COQ8B: variants seen among roughly 807,000 people sequenced by gnomAD.
COQ8B encodes atypical kinase COQ8B, mitochondrial.
A neutral mutation model predicts 62.0 loss-of-function variants in COQ8B; 44 were observed. The observed-to-expected ratio is 0.71, with a 90% CI of 0.56 to 0.91. COQ8B has a LOEUF of 0.91. Ranked by LOEUF, COQ8B falls within the 40% of genes least tolerant of loss-of-function variation. The probability of loss-of-function intolerance (pLI) is 0.00; values close to 1 mark genes in which losing one functional copy is unlikely to be tolerated. For synonymous variants in COQ8B, 252 were observed against 289.9 expected (o/e 0.87, Z 1.33); for missense variants, 649 against 731.6 (o/e 0.89, Z 1.30).
intron 12 of COQ8B, 83 bp downstream of exon 12, chr19:40,699,984 G>A: frequency 4.6e-6 from 6 of 1,316,982 alleles, no homozygotes; most frequent in Non-Finnish European, 4.4e-6. Context: ...GTAATCAACT[G>A]CTATTTTGTT....
At chr19:40,716,538 C>G (rs909713673) in intron 1 of COQ8B, 49 bp downstream of exon 1, 5 of 152,236 alleles carry the variant, frequency 3.3e-5, no homozygotes, top group African/African-American at 1.2e-4. Context: ...GAAATCGTGT[C>G]AGGGTCTGAT....
At chr19:40,692,839 C>T (rs1410893852) in intron 14 of COQ8B, 112 bp downstream of exon 14, 1 of 877,970 alleles carries the variant, frequency 1.1e-6, no homozygotes, top group Non-Finnish European at 1.8e-6. Context: ...CCCCCAGTCC[C>T]CGGGTATCGA....
chr19:40,693,034 CCA>C lies in COQ8B; in HGVS notation c.1211_1212del (p.Val404GlyfsTer6). The C allele has an allele frequency of 6.2e-7, 1 of 1,613,714 alleles. No individual in the cohort carries two copies. The highest frequency in any genetic ancestry group is 8.5e-7 in the Non-Finnish European group (1 of 1,179,766). On this transcript the variant is annotated frameshift_variant and splice_region_variant, in exon 14 of 15. Coordinates refer to ENST00000324464, the MANE Select transcript of COQ8B (RefSeq NM_024876.4). LOFTEE classifies it high-confidence loss of function. The stretch of plus-strand genomic sequence containing the variant: ...CTGTCTCCATCAGCTGCAGCCTTCA[CCA>C]CCTGGGGAGACGGGTGGGAGTTAGA... ...GTEFTDHYIE[V>X]VKAAADGDRD...
At chr19:40,715,337 T>C (rs2082177852) in intron 1 of COQ8B, 1 of 985,678 alleles carries the variant, frequency 1.0e-6, no homozygotes, top group Non-Finnish European at 1.2e-6. Context: ...CAAAGTGCCT[T>C]GTACGCGACA....
intron 5 of COQ8B, among the ~76,000 whole-genome samples, chr19:40,706,987 C>A (rs1239357320): frequency 6.6e-6 from 1 of 152,132 alleles, no homozygotes; most frequent in Non-Finnish European, 1.5e-5. Context: ...AAAAAAGAAA[C>A]CTGGCTGGGA....
chr19:40,700,614 C>G, intron 10 of COQ8B, 163 bp from the exon 11 acceptor site: 1 of 814,072 alleles, frequency 1.2e-6, no homozygotes, highest in Admixed American at 2.9e-5. Context: ...ATGACCAACA[C>G]CTGGCTGGAC....
rs1233717746 is a variant in COQ8B at position 40,696,146 on chromosome 19, AC to A, written c.1144-93del. 2.1e-6 allele frequency: 3 copies of A among 1,401,950 alleles called. No homozygotes were observed. The Admixed American group carries it at 5.1e-5, about 24-fold the overall frequency. 86.8% of individuals were successfully genotyped at this position (1,401,950 alleles called of 1,614,324 possible). A position where few individuals can be genotyped will look rare whatever the true frequency, so the allele number is the denominator to read the frequency against. On this transcript the variant is annotated intron_variant, in intron 12 of 14. Transcript: ENST00000324464. ...GCCAGGATCTGTCTCCCTCCCCATG[AC>A]CCTGCCTGCTCCTGCCAGAGTCCCT...
At chr19:40,706,538 T>C (rs1417466869) in intron 5 of COQ8B, among the ~76,000 whole-genome samples, 1 of 152,218 alleles carries the variant, frequency 6.6e-6, no homozygotes, top group Non-Finnish European at 1.5e-5. Flanking sequence ...CAATCATGGC[T>C]CACTGCAACC....
intron 11 of COQ8B, 34 bp from the exon 12 acceptor site, chr19:40,700,208 T>C: frequency 6.2e-7 from 1 of 1,613,776 alleles, no homozygotes; most frequent in Non-Finnish European, 8.5e-7. Context: ...CATCTCAGTG[T>C]GATCTCCCTT....
chr19:40,697,843 T>TAGAGAGAG (rs1406997268), intron 12 of COQ8B, among the ~76,000 whole-genome samples: 1 of 48,778 alleles, frequency 2.1e-5, no homozygotes, highest in Non-Finnish European at 4.1e-5. Context: ...TATATATATA[T>TAGAGAGAG]ATATATATAG....
At chr19:40,700,717 A>C in intron 10 of COQ8B, 1 of 463,272 alleles carries the variant, frequency 2.2e-6, no homozygotes, top group Non-Finnish European at 3.9e-6. Context: ...CCTACCCGAA[A>C]CCCTTCTATG....
rs146225943 is a variant in COQ8B at position 40,703,726 on chromosome 19, C to T, written c.706G>A (p.Val236Met). ...GCCTCCCCTCTCACCTGGATCTTCA[C>T]GGCCACCTCCGTCCCGTCCCTCAGC... ...GLLRDGTEVA[V>M]KIQYPGIAQS... is the part of the protein sequence containing the mutation. Residue 236 changes from valine to methionine, a missense_variant, in exon 8 of 15, where the codon GTG (valine) becomes ATG (methionine). Val to Met is a conservative substitution (Grantham distance 21, BLOSUM62 1). Coordinates refer to ENST00000324464, the MANE Select transcript of COQ8B (RefSeq NM_024876.4). 1.6e-4 allele frequency: 253 copies of T among 1,614,060 alleles called. 1 individual carries two copies. In the African/African-American group the frequency reaches 3.1e-3, roughly 20 times the overall value.
At chr19:40,713,974 C>T (rs2082163896) in intron 4 of COQ8B, 93 bp downstream of exon 4, 2 of 1,366,692 alleles carry the variant, frequency 1.5e-6, no homozygotes, top group African/African-American at 1.4e-5. Flanking sequence ...CTCTCTCTTT[C>T]CTGTCTCTGA....
intron 10 of COQ8B, 88 bp from the exon 11 acceptor site, chr19:40,700,539 C>A: frequency 2.0e-6 from 3 of 1,491,098 alleles, no homozygotes; most frequent in Non-Finnish European, 2.7e-6. Flanking sequence ...CTCAGAAGTC[C>A]TCCATGAACA....
At position 40,714,148 on chromosome 19, in the gene COQ8B, C is replaced by G. The variant is rs2082165700; in HGVS notation, c.223-15G>C. On this transcript the variant is annotated splice_polypyrimidine_tract_variant and intron_variant, in intron 3 of 14. Coordinates refer to ENST00000324464, the MANE Select transcript of COQ8B (RefSeq NM_024876.4). ...CGGTCACTCAGCTGGGAAATGGGGA[C>G]AAGGTCTGAGGGTGGGAAAGTGGGC... is the stretch of plus-strand genomic sequence containing the variant. 8 of 1,614,080 alleles carry G rather than the reference C, an allele frequency of 5.0e-6. No individual in the cohort carries two copies. In the African/African-American group the frequency reaches 1.1e-4, roughly 22 times the overall value.
chr19:40,712,001 G>C (rs1172882414), intron 4 of COQ8B, among the ~76,000 whole-genome samples: 8 of 151,812 alleles, frequency 5.3e-5, no homozygotes, highest in Admixed American at 3.9e-4. Context: ...TGCAGACTGT[G>C]AATCTATCTA....
chr19:40,700,239 G>C, intron 11 of COQ8B, 65 bp from the exon 12 acceptor site: 1 of 1,612,246 alleles, frequency 6.2e-7, no homozygotes. Flanking sequence ...TGCTGGCCTG[G>C]AGAGAGACCA....
Position 40,704,941 on chromosome 19 carries a change from A to G in COQ8B, c.576+155T>C. ...TGTTCCCTGTTTTAATCACCACAGC[A>G]ATGCTAGGAGGTGTGTACTCTGGTG... On this transcript the variant is annotated intron_variant, in intron 7 of 14. Transcript: ENST00000324464. The G allele has an allele frequency of 5.8e-6, 4 of 687,134 alleles. No individual in the cohort carries two copies. In the Admixed American group the frequency reaches 1.2e-4, roughly 21 times the overall value. 42.6% of individuals were successfully genotyped at this position (687,134 alleles called of 1,614,324 possible).
intron 1 of COQ8B, chr19:40,715,100 G>T: frequency 4.1e-6 from 4 of 987,534 alleles, no homozygotes; most frequent in Non-Finnish European, 4.8e-6. Context: ...GCCCTCCTGT[G>T]CTTCCGGGAG....
Sources: gnomAD v4.1 joint callset for allele counts (sites outside exome capture counted in the v4.1 genomes callset) on GRCh38, gnomAD v4.1.1 for gene constraint, MANE v1.5 for transcripts, NCBI Gene and HGNC (gene_info 2026-07-23, HGNC 2026-07-21) for gene names.